Variants in CAMTA1 observed in about 807,000 individuals in gnomAD.
CAMTA1 encodes the protein calmodulin-binding transcription activator 1.
A neutral mutation model predicts 170.9 loss-of-function variants in CAMTA1; 27 were observed. The observed-to-expected ratio is 0.16, with a 90% confidence interval of 0.12 to 0.22. The LOEUF (loss-of-function observed/expected upper bound fraction) is 0.22, where lower values mean the gene tolerates loss of function less well. Among genes scored for constraint, CAMTA1 ranks in the 10% least tolerant of loss-of-function variants. CAMTA1 has a pLI of 1.00. For missense variants in CAMTA1, 1,619 were observed against 2,217.2 expected, an observed-to-expected ratio of 0.73 and a Z score of 5.42; for synonymous variants, 833 against 891.5, an observed-to-expected ratio of 0.93 and a Z score of 1.17.
At chr1:7,468,916 C>T (rs947675493) in intron 6 of CAMTA1, among the ~76,000 whole-genome samples, 2 of 152,190 alleles carry the variant, frequency 1.3e-5, no homozygotes, top group African/African-American at 4.8e-5. Flanking sequence ...ACACATGCCA[C>T]GGAGTGCAGA....
Position 6,934,880 on chromosome 1 carries a change from A to C in CAMTA1, c.234+109670A>C, listed in dbSNP as rs1004269999. Among the ~76,000 whole-genome samples, 3 of 152,182 alleles carry C rather than the reference A, an allele frequency of 2.0e-5. No individual in the cohort carries two copies. The highest frequency in any genetic ancestry group is 2.0e-4 in the Admixed American group (3 of 15,278). On this transcript the variant is annotated intron_variant, in intron 3 of 22. Coordinates refer to ENST00000303635, the MANE Select transcript of CAMTA1 (RefSeq NM_015215.4). This position sits in a 1 kb window ranked among gnomAD's most constrained non-coding sequence, Gnocchi z 4.5. Reference sequence around the variant, plus strand: ...GGGGAGAAGGAGCTGTTAAACTGTCAAAATAAAAAGTCCACCAAACTCCTT... The same window carrying C: ...GGGGAGAAGGAGCTGTTAAACTGTCCAAATAAAAAGTCCACCAAACTCCTT...
intron 6 of CAMTA1, among the ~76,000 whole-genome samples, chr1:7,507,096 A>G (rs1481242157): frequency 6.6e-6 from 1 of 151,670 alleles, no homozygotes; most frequent in Non-Finnish European, 1.5e-5. Context: ...ATTCACACCC[A>G]CACTTACATG....
In CAMTA1 at chr1:7,443,817, T is replaced by C. The variant is rs985465202; in HGVS notation, c.439-24013T>C. ...CATTTATTTGTACCTCCTGATATCC[T>C]GTCCAGGGTCCCAAGACAGCCTCTA... On this transcript the variant is annotated intron_variant, in intron 5 of 22. Transcript: ENST00000303635. This position sits in a 1 kb window ranked among gnomAD's most constrained non-coding sequence, Gnocchi z 4.1. Among the ~76,000 whole-genome samples, 1 of 150,926 alleles carries C rather than the reference T, an allele frequency of 6.6e-6. No homozygotes were observed. The highest frequency in any genetic ancestry group is 2.4e-5 in the African/African-American group (1 of 41,384).
intron 17 of CAMTA1, among the ~76,000 whole-genome samples, chr1:7,745,606 G>A (rs945899727): frequency 2.6e-4 from 40 of 152,290 alleles, no homozygotes; most frequent in African/African-American, 9.4e-4. Flanking sequence ...GCAGTAGAGT[G>A]TACTGCTACT....
At chr1:7,589,332 C>A (rs888977611) in intron 6 of CAMTA1, among the ~76,000 whole-genome samples, 3 of 152,212 alleles carry the variant, frequency 2.0e-5, no homozygotes, top group Non-Finnish European at 2.9e-5. Flanking sequence ...GCCGCTGTGG[C>A]AGGGTTCCCC....
intron 6 of CAMTA1, among the ~76,000 whole-genome samples, chr1:7,555,894 T>G (rs1414177128): frequency 6.6e-6 from 1 of 152,170 alleles, no homozygotes; most frequent in Non-Finnish European, 1.5e-5. Flanking sequence ...TAGGGCCCTT[T>G]TTTCCAAATG....
intron 6 of CAMTA1, among the ~76,000 whole-genome samples, chr1:7,616,566 G>A (rs987920824): frequency 2.6e-5 from 4 of 152,212 alleles, no homozygotes; most frequent in Non-Finnish European, 5.9e-5. Context: ...GCCGGGCCTC[G>A]GGGGTGACTG....
chr1:7,057,419 C>T (rs896286521), intron 3 of CAMTA1, among the ~76,000 whole-genome samples: 8 of 152,188 alleles, frequency 5.3e-5, no homozygotes, highest in Admixed American at 6.5e-5. Context: ...TATGGCCCTC[C>T]GTGTGGCAGG....
chr1:7,606,025 C>T (rs1400992680), intron 6 of CAMTA1, among the ~76,000 whole-genome samples: 1 of 152,184 alleles, frequency 6.6e-6, no homozygotes, highest in Non-Finnish European at 1.5e-5. Context: ...AAGGCTTCAT[C>T]TCAGAGCCCA....
intron 3 of CAMTA1, among the ~76,000 whole-genome samples, chr1:6,919,209 C>G (rs1267441166): frequency 6.6e-6 from 1 of 152,224 alleles, no homozygotes; most frequent in Non-Finnish European, 1.5e-5. Flanking sequence ...ATTTTTTGCT[C>G]AGGTTTGAAG....
intron 3 of CAMTA1, among the ~76,000 whole-genome samples, chr1:7,011,020 T>C (rs1699696483): frequency 6.6e-6 from 1 of 151,998 alleles, no homozygotes. Flanking sequence ...ACCCCAAACA[T>C]CCCCACAGCG....
intron 8 of CAMTA1, among the ~76,000 whole-genome samples, chr1:7,662,908 A>G (rs2095972901): frequency 6.6e-6 from 1 of 152,026 alleles, no homozygotes; most frequent in African/African-American, 2.4e-5. Flanking sequence ...CAGCTGTGGG[A>G]AGTTGGGGAG....
intron 3 of CAMTA1, among the ~76,000 whole-genome samples, chr1:6,867,898 C>T (rs977288062): frequency 6.6e-6 from 1 of 152,084 alleles, no homozygotes; most frequent in Non-Finnish European, 1.5e-5. Context: ...CTGCCTCCAC[C>T]TCCTGGGCTT....
intron 11 of CAMTA1, among the ~76,000 whole-genome samples, chr1:7,705,536 G>T (rs1322142357): frequency 6.7e-6 from 1 of 150,146 alleles, no homozygotes; most frequent in East Asian, 2.0e-4. Flanking sequence ...GGCTGGGGCG[G>T]CGTCGGGGCG....
At chr1:7,232,608 T>G (rs1355484622) in intron 4 of CAMTA1, among the ~76,000 whole-genome samples, 2 of 152,122 alleles carry the variant, frequency 1.3e-5, no homozygotes, top group Admixed American at 1.3e-4. Flanking sequence ...CTGTTCCCGG[T>G]GCCTACCACG....
intron 4 of CAMTA1, among the ~76,000 whole-genome samples, chr1:7,221,090 C>T (rs1011690837): frequency 6.6e-6 from 1 of 152,194 alleles, no homozygotes; most frequent in Non-Finnish European, 1.5e-5. Context: ...ATGAATGGCC[C>T]GGCTTTCTCA....
At chr1:7,254,513 G>T (rs1345855956) in intron 5 of CAMTA1, among the ~76,000 whole-genome samples, 2 of 152,168 alleles carry the variant, frequency 1.3e-5, no homozygotes, top group Non-Finnish European at 2.9e-5. Context: ...TGTTTGTATT[G>T]CCTGTAAACA....
intron 4 of CAMTA1, among the ~76,000 whole-genome samples, chr1:7,141,965 T>C (rs1168435464): frequency 1.3e-5 from 2 of 152,196 alleles, no homozygotes; most frequent in African/African-American, 2.4e-5. Flanking sequence ...CAGCGAGCCA[T>C]GGCAGAGTTG....
intron 3 of CAMTA1, among the ~76,000 whole-genome samples, chr1:7,085,981 G>A (rs1390252881): frequency 2.6e-5 from 4 of 152,246 alleles, no homozygotes; most frequent in African/African-American, 9.6e-5. Flanking sequence ...TTGGGGCCTT[G>A]GGGAAGGGCC....
Sources: gnomAD v4.1 joint callset for allele counts (sites outside exome capture counted in the v4.1 genomes callset) on GRCh38, gnomAD v4.1.1 for gene constraint, Gnocchi (gnomAD v3.1) non-coding constraint, MANE v1.5 for transcripts, NCBI Gene and HGNC (gene_info 2026-07-23, HGNC 2026-07-21) for gene names.